The following CNTNAP2 variants were observed in gnomAD, a reference collection of about 807,000 sequenced individuals.
CNTNAP2 encodes contactin associated protein 2, also known as contactin-associated protein-like 2.
CNTNAP2 carries 98 observed loss-of-function variants against 155.2 expected under a neutral mutation model. The observed-to-expected ratio is 0.63, with a 90% CI of 0.54 to 0.75. The LOEUF is 0.75. Among genes scored for constraint, CNTNAP2 ranks in the 30% least tolerant of loss-of-function variants. The pLI is 0.00. For missense variants in CNTNAP2, 1,727 were observed against 1,688.1 expected (o/e 1.02, Z -0.40); for synonymous variants, 651 against 631.2 (o/e 1.03, Z -0.47).
chr7:148,293,046 T>C (rs1797215515), intron 21 of CNTNAP2, among the ~76,000 whole-genome samples: 1 of 151,164 alleles, frequency 6.6e-6, no homozygotes, highest in Admixed American at 6.6e-5. Flanking sequence ...CACAGCGCAG[T>C]TGTATAGACA....
intron 15 of CNTNAP2, among the ~76,000 whole-genome samples, chr7:148,009,072 G>T (rs1364152122): frequency 6.6e-6 from 1 of 152,170 alleles, no homozygotes; most frequent in Non-Finnish European, 1.5e-5. Flanking sequence ...GCACAATGAG[G>T]TTATGTCCCA....
chr7:146,950,315 T>C (rs1797282560), intron 3 of CNTNAP2, among the ~76,000 whole-genome samples: 1 of 152,108 alleles, frequency 6.6e-6, no homozygotes, highest in Non-Finnish European at 1.5e-5. Context: ...TCTTTCTTTT[T>C]TTATAATACT....
At chr7:147,488,637 T>A (rs1464052953) in intron 11 of CNTNAP2, among the ~76,000 whole-genome samples, 1 of 152,196 alleles carries the variant, frequency 6.6e-6, no homozygotes, top group Non-Finnish European at 1.5e-5. Flanking sequence ...CTACAATATT[T>A]TAGCACACCT....
At chr7:146,358,238 G>A (rs987023297) in intron 1 of CNTNAP2, among the ~76,000 whole-genome samples, 4 of 152,026 alleles carry the variant, frequency 2.6e-5, no homozygotes, top group African/African-American at 9.7e-5. Context: ...GTTTCCCCGT[G>A]TTAGCCAGGA....
chr7:146,511,084 G>C (rs1051261185), intron 1 of CNTNAP2, among the ~76,000 whole-genome samples: 1 of 151,972 alleles, frequency 6.6e-6, no homozygotes, highest in Admixed American at 6.6e-5. Context: ...TTTTTTAGTA[G>C]AGACAGGGTT....
At chr7:147,670,545 G>A (rs1180179175) in intron 13 of CNTNAP2, among the ~76,000 whole-genome samples, 1 of 152,194 alleles carries the variant, frequency 6.6e-6, no homozygotes, top group African/African-American at 2.4e-5. Flanking sequence ...TGAAGCAGCT[G>A]GACATCAGAG....
rs569837820 is a variant in CNTNAP2, at chr7:147,078,426, T to C, written c.551-29721T>C. Among the ~76,000 whole-genome samples the C allele has an allele frequency of 4.6e-5, 7 of 152,328 alleles. No homozygotes were observed. The South Asian group carries it at 1.5e-3, about 32-fold the overall frequency. ...ATAAACTGCATATGCATTAAACATTTCCATCTGGAGCCCCGATGACTGTTT... is the reference window on the plus strand; with the variant it reads ...ATAAACTGCATATGCATTAAACATTCCCATCTGGAGCCCCGATGACTGTTT... On this transcript the variant is annotated intron_variant, in intron 4 of 23. Transcript: ENST00000361727.
rs150604031 is a variant in CNTNAP2 at position 147,223,324 on chromosome 7, A to T, written c.1349-76817A>T. On this transcript the variant is annotated intron_variant, in intron 8 of 23. Coordinates refer to ENST00000361727, the MANE Select transcript of CNTNAP2 (RefSeq NM_014141.6). ...ATAGTGAGACAGAATACTTTCACAC[A>T]ACACATTCCATGAAGCAGATTTATT... Among the ~76,000 whole-genome samples the T allele has an allele frequency of 4.9e-4, 75 of 152,318 alleles. No homozygotes were observed. The East Asian group carries it at 0.014, about 28-fold the overall frequency.
chr7:147,662,664 T>C (rs957843825), intron 13 of CNTNAP2, among the ~76,000 whole-genome samples: 5 of 152,158 alleles, frequency 3.3e-5, no homozygotes, highest in Non-Finnish European at 7.4e-5. Flanking sequence ...CTACTGGTGA[T>C]AACTTGCTAG....
At chr7:146,316,899 G>A (rs1473930611) in intron 1 of CNTNAP2, among the ~76,000 whole-genome samples, 2 of 151,938 alleles carry the variant, frequency 1.3e-5, no homozygotes, top group South Asian at 2.1e-4. Flanking sequence ...GTCAGAGGAG[G>A]GACACTGAAT....
chr7:146,459,834 G>C (rs1165381075), intron 1 of CNTNAP2, among the ~76,000 whole-genome samples: 3 of 152,096 alleles, frequency 2.0e-5, no homozygotes, highest in African/African-American at 4.8e-5. Context: ...GCCTGGCATG[G>C]GGGTACATGC....
chr7:148,232,883 C>T (rs1563004864), intron 20 of CNTNAP2, among the ~76,000 whole-genome samples: 1 of 152,198 alleles, frequency 6.6e-6, no homozygotes, highest in Non-Finnish European at 1.5e-5. Flanking sequence ...CCCTGTGAAA[C>T]AGCACTGAGC....
chr7:147,450,912 A>T (rs1429051601), intron 10 of CNTNAP2, among the ~76,000 whole-genome samples: 1 of 152,182 alleles, frequency 6.6e-6, no homozygotes, highest in Non-Finnish European at 1.5e-5. Context: ...AGTACCTAGG[A>T]CATCACTTGG....
At chr7:147,813,328 G>A (rs1486295956) in intron 13 of CNTNAP2, among the ~76,000 whole-genome samples, 1 of 152,122 alleles carries the variant, frequency 6.6e-6, no homozygotes, top group Admixed American at 6.5e-5. Flanking sequence ...AAGTCAATGG[G>A]ATGGTTTATG....
intron 13 of CNTNAP2, among the ~76,000 whole-genome samples, chr7:147,685,699 A>G (rs1262741905): frequency 6.6e-6 from 1 of 152,034 alleles, no homozygotes; most frequent in Non-Finnish European, 1.5e-5. Flanking sequence ...ATATACACAC[A>G]CATAAATTTA....
At chr7:146,440,053 G>A (rs890124774) in intron 1 of CNTNAP2, among the ~76,000 whole-genome samples, 7 of 151,606 alleles carry the variant, frequency 4.6e-5, no homozygotes, top group African/African-American at 1.7e-4. Flanking sequence ...GAACCCGGGA[G>A]GCAGAGGTTG....
intron 21 of CNTNAP2, among the ~76,000 whole-genome samples, chr7:148,284,537 G>C (rs189602768): frequency 7.5e-4 from 112 of 150,280 alleles, no homozygotes; most frequent in African/African-American, 2.7e-3. Flanking sequence ...GGTAAGAGGA[G>C]AGTGGTTACT....
At chr7:147,473,329 T>C (rs1238808655) in intron 10 of CNTNAP2, among the ~76,000 whole-genome samples, 1 of 152,172 alleles carries the variant, frequency 6.6e-6, no homozygotes, top group East Asian at 1.9e-4. Flanking sequence ...AGAGAAGTAA[T>C]GCAGAAGAAA....
intron 1 of CNTNAP2, among the ~76,000 whole-genome samples, chr7:146,401,095 T>C (rs1054983073): frequency 6.6e-6 from 1 of 152,210 alleles, no homozygotes; most frequent in Non-Finnish European, 1.5e-5. Context: ...AAAACAGCAC[T>C]ATTTAAATTT....
Sources: allele counts gnomAD v4.1 joint callset (sites outside exome capture counted in the v4.1 genomes callset), GRCh38; gene constraint gnomAD v4.1.1; transcripts MANE v1.5; gene names NCBI Gene and HGNC (gene_info 2026-07-23, HGNC 2026-07-21).